ERC2: variants seen among roughly 807,000 people sequenced by gnomAD.
The protein encoded by ERC2 is ELKS/RAB6-interacting/CAST family member 2.
Under a neutral mutation model 114.8 loss-of-function variants are expected in ERC2, and 42 were observed. That is an observed-to-expected ratio of 0.37 (90% CI 0.29 to 0.47). ERC2 has a LOEUF of 0.47. Ranked by LOEUF, ERC2 falls within the 20% of genes least tolerant of loss-of-function variation. The pLI, the probability that ERC2 is intolerant of heterozygous loss-of-function variation, is 0.99. For missense variants in ERC2, 939 were observed against 1,150.7 expected, an observed-to-expected ratio of 0.82 and a Z score of 2.66; for synonymous variants, 454 against 425.5, an observed-to-expected ratio of 1.07 and a Z score of -0.82.
At chr3:55,861,901 T>C (rs946225919) in intron 14 of ERC2, among the ~76,000 whole-genome samples, 1 of 152,210 alleles carries the variant, frequency 6.6e-6, no homozygotes, top group Non-Finnish European at 1.5e-5. Flanking sequence ...ATTAGTAAGA[T>C]GTAAAACACT....
At chr3:56,290,521 A>G (rs1305127154) in intron 3 of ERC2, among the ~76,000 whole-genome samples, 1 of 152,250 alleles carries the variant, frequency 6.6e-6, no homozygotes, top group Non-Finnish European at 1.5e-5. Flanking sequence ...CTTTGTTGGT[A>G]GAAATAGAAT....
At chr3:56,014,990 C>T (rs963177279) in intron 8 of ERC2, among the ~76,000 whole-genome samples, 14 of 152,010 alleles carry the variant, frequency 9.2e-5, no homozygotes, top group Non-Finnish European at 1.8e-4. Flanking sequence ...CAAGTAAAAC[C>T]TTATCATTCT....
At chr3:55,832,173 G>A (rs1281423563) in intron 14 of ERC2, among the ~76,000 whole-genome samples, 1 of 152,228 alleles carries the variant, frequency 6.6e-6, no homozygotes, top group East Asian at 1.9e-4. Context: ...CAACTCTGGG[G>A]GCAGGGCACG....
rs2065799299 is a variant in ERC2, at chr3:55,738,777, T to C, written c.2565-3859A>G. ...AAAAACAATCATTTTTTAAAATTAT[T>C]TTACTTTAAGTTCTGGTGCACATGT... On this transcript the variant is annotated intron_variant, in intron 14 of 17. Coordinates refer to ENST00000288221, the MANE Select transcript of ERC2 (RefSeq NM_015576.3). Among the ~76,000 whole-genome samples, 5 of 152,308 alleles carry C rather than the reference T, an allele frequency of 3.3e-5. 1 individual carries two copies. In the South Asian group the frequency reaches 1.0e-3, roughly 32 times the overall value.
chr3:55,651,942 A>G (rs970585611), intron 17 of ERC2, among the ~76,000 whole-genome samples: 4 of 152,234 alleles, frequency 2.6e-5, no homozygotes, highest in African/African-American at 9.7e-5. Context: ...AGCCTTGTAG[A>G]TTAGCTCCAA....
intron 3 of ERC2, among the ~76,000 whole-genome samples, chr3:56,208,595 C>A (rs951221074): frequency 6.6e-6 from 1 of 152,162 alleles, no homozygotes; most frequent in Non-Finnish European, 1.5e-5. Context: ...AGTAGCAATT[C>A]CTGAAGAAGG....
chr3:55,653,527 G>T (rs541135984), intron 17 of ERC2, among the ~76,000 whole-genome samples: 16 of 151,718 alleles, frequency 1.1e-4, no homozygotes, highest in African/African-American at 3.9e-4. Flanking sequence ...AGGGAGTTGT[G>T]GAATAATTTG....
At chr3:56,298,046 G>T (rs998976877) in intron 2 of ERC2, among the ~76,000 whole-genome samples, 3 of 152,194 alleles carry the variant, frequency 2.0e-5, no homozygotes, top group South Asian at 2.1e-4. Context: ...TGTATTTAAT[G>T]ATGGAGGTTA....
intron 10 of ERC2, among the ~76,000 whole-genome samples, chr3:56,004,258 T>G (rs2072298404): frequency 6.6e-6 from 1 of 152,044 alleles, no homozygotes; most frequent in African/African-American, 2.4e-5. Flanking sequence ...ATACGTCAAT[T>G]ATCAGCCTCT....
intron 14 of ERC2, among the ~76,000 whole-genome samples, chr3:55,851,044 T>C (rs900112613): frequency 2.0e-5 from 3 of 152,076 alleles, no homozygotes; most frequent in Admixed American, 6.5e-5. Context: ...CAGACAGAAG[T>C]CCATGCTCAA....
chr3:55,550,771 C>T (rs2055114697), intron 17 of ERC2, among the ~76,000 whole-genome samples: 1 of 152,168 alleles, frequency 6.6e-6, no homozygotes, highest in Non-Finnish European at 1.5e-5. Context: ...AATCCCAGCA[C>T]TTTGGGAGGC....
intron 4 of ERC2, among the ~76,000 whole-genome samples, chr3:56,172,600 G>A (rs764598795): frequency 2.6e-5 from 4 of 152,160 alleles, no homozygotes; most frequent in South Asian, 2.1e-4. Context: ...ACACTTGAGC[G>A]TGGAATTTTC....
intron 3 of ERC2, among the ~76,000 whole-genome samples, chr3:56,188,043 T>C (rs2083735213): frequency 6.6e-6 from 1 of 152,018 alleles, no homozygotes; most frequent in Admixed American, 6.5e-5. Flanking sequence ...AGAAGTGGAT[T>C]TGCTCTGATT....
At chr3:56,145,940 T>C (rs2149938152) in intron 5 of ERC2, among the ~76,000 whole-genome samples, 1 of 152,244 alleles carries the variant, frequency 6.6e-6, no homozygotes, top group African/African-American at 2.4e-5. Flanking sequence ...TTCATTTTAA[T>C]AGTAATGCAA....
chr3:55,725,840 A>G (rs1374481300), intron 15 of ERC2, among the ~76,000 whole-genome samples: 1 of 152,280 alleles, frequency 6.6e-6, no homozygotes, highest in Admixed American at 6.5e-5. Context: ...ACTGAGTGCT[A>G]TTTTTTGTTG....
rs753757295 is a variant in ERC2, at chr3:56,434,769, A to T, written c.239T>A (p.Met80Lys). The change falls in exon 2 of 18, where the codon ATG (methionine) becomes AAG (lysine). Residue 80 changes from methionine to lysine, a missense_variant. Transcript: ENST00000288221. ...TCGATTTGTAGCCCTTCCCAGAGTC[A>T]TAGTGCCCTTTGGGTAGGTTGTTGA... ...VASTTYPKGT[M>K]TLGRATNRAV... The T allele has an allele frequency of 6.2e-7, 1 of 1,614,020 alleles. No individual in the cohort carries two copies. Among genetic ancestry groups the T allele is most frequent in the South Asian group, 1.1e-5 (1 of 91,086 alleles).
At chr3:55,749,195 A>G (rs891050694) in intron 14 of ERC2, among the ~76,000 whole-genome samples, 8 of 152,160 alleles carry the variant, frequency 5.3e-5, no homozygotes, top group Non-Finnish European at 1.2e-4. Context: ...CTGGAAAACC[A>G]CTTAGTGAGA....
intron 2 of ERC2, among the ~76,000 whole-genome samples, chr3:56,403,273 A>G (rs1449501096): frequency 6.6e-6 from 1 of 152,076 alleles, no homozygotes; most frequent in Non-Finnish European, 1.5e-5. Context: ...TGAAGTCTAA[A>G]CTCTTTTAAG....
At chr3:55,791,586 T>C (rs1387971762) in intron 14 of ERC2, among the ~76,000 whole-genome samples, 1 of 152,212 alleles carries the variant, frequency 6.6e-6, no homozygotes, top group Non-Finnish European at 1.5e-5. Flanking sequence ...CATCTCATAA[T>C]CTTATAATCT....
Sources: allele counts gnomAD v4.1 joint callset (sites outside exome capture counted in the v4.1 genomes callset), GRCh38; gene constraint gnomAD v4.1.1; transcripts MANE v1.5; gene names NCBI Gene and HGNC (gene_info 2026-07-23, HGNC 2026-07-21).